CLMN: variants seen among roughly 807,000 people sequenced by gnomAD.
The protein encoded by CLMN is calmin (calponin-like, transmembrane).
CLMN carries 57 observed loss-of-function variants against 92.7 expected under a neutral mutation model. The observed-to-expected ratio is 0.61, with a 90% CI of 0.50 to 0.77. The LOEUF is 0.77. CLMN is among the 30% of genes least tolerant of loss of function. The probability of loss-of-function intolerance (pLI) is 0.00; values close to 1 mark genes in which losing one functional copy is unlikely to be tolerated. For missense variants in CLMN, 1,158 were observed against 1,237.5 expected, an observed-to-expected ratio of 0.94 and a Z score of 0.96; for synonymous variants, 466 against 470.6, an observed-to-expected ratio of 0.99 and a Z score of 0.13.
intron 1 of CLMN, among the ~76,000 whole-genome samples, chr14:95,240,464 C>G (rs192813863): frequency 1.6e-4 from 24 of 152,234 alleles, no homozygotes. Flanking sequence ...CATGGAAGGA[C>G]TCCATGGACC....
In CLMN at chr14:95,218,015, G is replaced by C. The variant is rs144615780; in HGVS notation, c.325-2282C>G. Among the ~76,000 whole-genome samples the C allele has an allele frequency of 2.5e-3, 382 of 152,292 alleles. 4 individuals are homozygous for C. The highest frequency in any genetic ancestry group is 9.0e-3 in the African/African-American group (373 of 41,550). On this transcript the variant is annotated intron_variant, in intron 4 of 12. Transcript: ENST00000298912. The stretch of plus-strand genomic sequence containing the variant: ...GCCCAGCTACCATTTTGTTTTTGGT[G>C]GTGAACAAAAAGGTTAACAGCCAGA...
chr14:95,205,159 T>G (rs1897011899), intron 8 of CLMN, among the ~76,000 whole-genome samples: 1 of 152,224 alleles, frequency 6.6e-6, no homozygotes, highest in African/African-American at 2.4e-5. Flanking sequence ...TAGCTCCTAT[T>G]GACGCTGATA....
chr14:95,204,562 AC>A (rs1896994619), intron 8 of CLMN, 99 bp from the exon 9 acceptor site: 1 of 1,082,670 alleles, frequency 9.2e-7, no homozygotes, highest in Non-Finnish European at 1.3e-6. Context: ...TTTAAGTACA[AC>A]CCATATCCAC....
chr14:95,194,695 A>AGGCAAGC lies in CLMN; in HGVS notation c.2709-106_2709-100dup. 1 of 1,071,826 alleles carries AGGCAAGC rather than the reference A, an allele frequency of 9.3e-7. No homozygotes were observed. Among genetic ancestry groups the AGGCAAGC allele is most frequent in the Non-Finnish European group, 1.4e-6 (1 of 695,606 alleles). The allele number at this position is 1,071,826 out of a possible 1,614,324, so 66.4% of individuals were successfully genotyped here. On this transcript the variant is annotated intron_variant, in intron 10 of 12. Coordinates refer to ENST00000298912, the MANE Select transcript of CLMN (RefSeq NM_024734.4). This position sits in a 1 kb window ranked among gnomAD's most constrained non-coding sequence, Gnocchi z 4.0. The stretch of plus-strand genomic sequence containing the variant: ...TCCTGGGGTTTCCACGTATGGGTTT[A>AGGCAAGC]GGCAAGCGACAACTTCACAGCCAGG...
At chr14:95,233,002 T>C (rs566822685) in intron 1 of CLMN, among the ~76,000 whole-genome samples, 1 of 152,340 alleles carries the variant, frequency 6.6e-6, no homozygotes, top group Middle Eastern at 3.4e-3. Context: ...TGGGTCTTAG[T>C]GGTAGGCACA....
intron 1 of CLMN, among the ~76,000 whole-genome samples, chr14:95,316,303 C>T (rs193003971): frequency 4.1e-4 from 63 of 152,394 alleles, no homozygotes; most frequent in Non-Finnish European, 6.0e-4. Flanking sequence ...TGGACCACCC[C>T]TGTTTCCTTG....
At chr14:95,198,349 C>T (rs1341613198) in intron 9 of CLMN, among the ~76,000 whole-genome samples, 1 of 147,274 alleles carries the variant, frequency 6.8e-6, no homozygotes, top group Admixed American at 6.8e-5. Flanking sequence ...TGCTCCTGGC[C>T]TCTTTTTTTT....
intron 1 of CLMN, among the ~76,000 whole-genome samples, chr14:95,291,319 C>T (rs1170259672): frequency 1.3e-5 from 2 of 152,158 alleles, no homozygotes; most frequent in Admixed American, 6.5e-5. Context: ...ATGGCGATGG[C>T]CTGTAAACAG....
Position 95,184,120 on chromosome 14 carries a change from A to C in CLMN, c.*7444T>G, listed in dbSNP as rs1896387441. 1 of 152,256 alleles carries C rather than the reference A, an allele frequency of 6.6e-6. No individual in the cohort carries two copies. Among genetic ancestry groups the C allele is most frequent in the Non-Finnish European group, 1.5e-5 (1 of 68,046 alleles). The allele number at this position is 152,256 out of a possible 1,614,324, so 9.4% of individuals were successfully genotyped here. On this transcript the variant is annotated 3_prime_UTR_variant, in exon 13 of 13. Coordinates refer to ENST00000298912, the MANE Select transcript of CLMN (RefSeq NM_024734.4). ...GGGCTGCTGGGCATCCTACAACTTCATAAACTTTCAAGAAAAGTATTTTTC... is the reference window on the plus strand; with the variant it reads ...GGGCTGCTGGGCATCCTACAACTTCCTAAACTTTCAAGAAAAGTATTTTTC...
At chr14:95,207,102 A>G (rs1897066736) in intron 8 of CLMN, among the ~76,000 whole-genome samples, 1 of 152,212 alleles carries the variant, frequency 6.6e-6, no homozygotes, top group Non-Finnish European at 1.5e-5. Context: ...TTAATTGACA[A>G]ATAATAATTG....
chr14:95,258,748 T>A lies in CLMN; in HGVS notation c.83-28615A>T, dbSNP rs563309850. Among the ~76,000 whole-genome samples the A allele has an allele frequency of 6.3e-4, 92 of 145,122 alleles. 1 individual carries two copies. Among genetic ancestry groups the A allele is most frequent in the African/African-American group, 2.2e-3 (84 of 38,038 alleles). On this transcript the variant is annotated intron_variant, in intron 1 of 12. Transcript: ENST00000298912. ...TATGTGTATGTATCTGTGGTGTGTG[T>A]GTGGTATGTGTATGTATCTGTGGTG... is the stretch of plus-strand genomic sequence containing the variant.
intron 1 of CLMN, among the ~76,000 whole-genome samples, chr14:95,270,951 T>G (rs1464374044): frequency 6.6e-6 from 1 of 152,196 alleles, no homozygotes; most frequent in East Asian, 1.9e-4. Context: ...GGGTTCTAAT[T>G]TTTCCACATC....
chr14:95,204,254 A>G lies in CLMN; in HGVS notation c.1095T>C (p.Asp365=), dbSNP rs1253658059. Residue 365 remains aspartate, a synonymous_variant, in exon 9 of 13, where the codon GAT becomes GAC. Transcript: ENST00000298912. ...CTGACAGCGCATGGCTGGAAACACCATCCAGGCGGAATTCCTTCATGCTCT... is the reference window on the plus strand; with the variant it reads ...CTGACAGCGCATGGCTGGAAACACCGTCCAGGCGGAATTCCTTCATGCTCT... ...KPESMKEFRL[D]GVSSHALSDS... is the part of the protein sequence containing the mutation. The G allele has an allele frequency of 6.2e-7, 1 of 1,613,980 alleles. No homozygotes were observed. Among genetic ancestry groups the G allele is most frequent in the East Asian group, 2.2e-5 (1 of 44,894 alleles).
intron 1 of CLMN, among the ~76,000 whole-genome samples, chr14:95,284,245 A>G (rs1397467081): frequency 6.6e-6 from 1 of 152,192 alleles, no homozygotes; most frequent in East Asian, 1.9e-4. Context: ...CTCCGCCTAG[A>G]TTTCAGATAT....
intron 1 of CLMN, among the ~76,000 whole-genome samples, chr14:95,279,801 A>G (rs1900075755): frequency 6.6e-6 from 1 of 152,196 alleles, no homozygotes; most frequent in African/African-American, 2.4e-5. Context: ...AAACAAAACA[A>G]AACAAAAATC....
In CLMN at chr14:95,209,573, T is replaced by C. The variant is rs149451876; in HGVS notation, c.803-96A>G. ...TGATGGTGAAGAATCCCACAGATTA[T>C]TGAAGGTTTTTTCTCTTTATTTTCC... On this transcript the variant is annotated intron_variant, in intron 7 of 12. Transcript: ENST00000298912. 1,583 of 978,794 alleles carry C rather than the reference T, an allele frequency of 1.6e-3. 2 individuals are homozygous for C. Among genetic ancestry groups the C allele is most frequent in the Admixed American group, 2.7e-3 (148 of 55,610 alleles). The allele number at this position is 978,794 out of a possible 1,614,324, so 60.6% of individuals were successfully genotyped here. A position where few individuals can be genotyped will look rare whatever the true frequency, so the allele number is the denominator to read the frequency against.
rs1036362935 is a variant in CLMN, at chr14:95,187,958, T to A, written c.*3606A>T. On this transcript the variant is annotated 3_prime_UTR_variant, in exon 13 of 13. Coordinates refer to ENST00000298912, the MANE Select transcript of CLMN (RefSeq NM_024734.4). ...ATGGGACACCATTTTTGAAACCACA[T>A]GAGTACTCAGCATAGGCTAAAAGCC... 1 of 152,218 alleles carries A rather than the reference T, an allele frequency of 6.6e-6. No homozygotes were observed. Among genetic ancestry groups the A allele is most frequent in the Non-Finnish European group, 1.5e-5 (1 of 68,046 alleles). 9.4% of individuals were successfully genotyped at this position (152,218 alleles called of 1,614,324 possible).
chr14:95,272,601 C>T lies in CLMN; in HGVS notation c.83-42468G>A, dbSNP rs149858524. ...TTTGGATATAGATTCACATTTAGTA[C>T]GACAATACACCAGCCATATGTTGTG... On this transcript the variant is annotated intron_variant, in intron 1 of 12. Transcript: ENST00000298912. Among the ~76,000 whole-genome samples, 272 of 152,264 alleles carry T rather than the reference C, an allele frequency of 1.8e-3. 2 individuals carry two copies. The highest frequency in any genetic ancestry group is 6.8e-3 in the Middle Eastern group (2 of 294).
intron 1 of CLMN, among the ~76,000 whole-genome samples, chr14:95,250,336 G>A (rs577942492): frequency 2.6e-5 from 4 of 152,130 alleles, no homozygotes; most frequent in Non-Finnish European, 5.9e-5. Context: ...CCCAATTGTT[G>A]GATATTTCAG....
Sources: gnomAD v4.1 joint callset for allele counts (sites outside exome capture counted in the v4.1 genomes callset) on GRCh38, gnomAD v4.1.1 for gene constraint, Gnocchi (gnomAD v3.1) non-coding constraint, MANE v1.5 for transcripts, NCBI Gene and HGNC (gene_info 2026-07-23, HGNC 2026-07-21) for gene names.